ENOX1: variants seen among roughly 807,000 people sequenced by gnomAD.
ENOX1 encodes ecto-NOX disulfide-thiol exchanger 1.
A neutral mutation model predicts 82.5 loss-of-function variants in ENOX1; 42 were observed. The observed-to-expected ratio is 0.51, with a 90% confidence interval of 0.40 to 0.66. ENOX1 has a LOEUF of 0.66. ENOX1 is among the 30% of genes least tolerant of loss of function. The pLI, the probability that ENOX1 is intolerant of heterozygous loss-of-function variation, is 0.00. For missense variants in ENOX1, 608 were observed against 811.6 expected (o/e 0.75, Z 3.05); for synonymous variants, 271 against 282.2 (o/e 0.96, Z 0.40).
At chr13:43,626,502 GTTTCCA>G (rs1446997116) in intron 2 of ENOX1, among the ~76,000 whole-genome samples, 1 of 151,540 alleles carries the variant, frequency 6.6e-6, no homozygotes, top group Non-Finnish European at 1.5e-5. Flanking sequence ...TTTATGTTGT[GTTTCCA>G]TTTTCATTTA....
intron 5 of ENOX1, among the ~76,000 whole-genome samples, chr13:43,398,148 G>C (rs185568461): frequency 6.6e-6 from 1 of 152,138 alleles, no homozygotes; most frequent in Non-Finnish European, 1.5e-5. Flanking sequence ...ATGAATTTGG[G>C]GGTATGCAAA....
intron 1 of ENOX1, among the ~76,000 whole-genome samples, chr13:43,760,526 A>C (rs913379021): frequency 6.6e-6 from 1 of 152,014 alleles, no homozygotes; most frequent in African/African-American, 2.4e-5. Context: ...CCCACACTAA[A>C]CATCCCTGGA....
chr13:43,280,895 A>G (rs1048998081), intron 12 of ENOX1, among the ~76,000 whole-genome samples: 1 of 152,198 alleles, frequency 6.6e-6, no homozygotes, highest in African/African-American at 2.4e-5. Flanking sequence ...ACATTCATCA[A>G]TCACTAAGGG....
intron 2 of ENOX1, among the ~76,000 whole-genome samples, chr13:43,568,513 C>A (rs2153709628): frequency 6.6e-6 from 1 of 152,236 alleles, no homozygotes; most frequent in Non-Finnish European, 1.5e-5. Context: ...CTCCAAGAAA[C>A]ATTTTGATAA....
intron 2 of ENOX1, among the ~76,000 whole-genome samples, chr13:43,490,322 A>G (rs1164526669): frequency 3.3e-5 from 5 of 152,184 alleles, no homozygotes; most frequent in Non-Finnish European, 7.3e-5. Context: ...TTGCCTTGAC[A>G]TGAATTATGC....
intron 3 of ENOX1, among the ~76,000 whole-genome samples, chr13:43,463,920 A>G (rs1280222436): frequency 6.6e-6 from 1 of 152,210 alleles, no homozygotes; most frequent in Non-Finnish European, 1.5e-5. Flanking sequence ...AATACCTACT[A>G]TGTGCAGGTA....
intron 3 of ENOX1, among the ~76,000 whole-genome samples, chr13:43,476,902 G>A (rs532174369): frequency 1.3e-5 from 2 of 152,222 alleles, no homozygotes; most frequent in East Asian, 3.9e-4. Flanking sequence ...GAGGAGATGG[G>A]TGGGTGCAGG....
chr13:43,706,797 G>A (rs1296471203), intron 1 of ENOX1, among the ~76,000 whole-genome samples: 4 of 151,788 alleles, frequency 2.6e-5, no homozygotes, highest in Non-Finnish European at 5.9e-5. Context: ...CACAATTAAT[G>A]TTGAAATATT....
At chr13:43,547,202 C>T (rs1315566234) in intron 2 of ENOX1, 1 of 152,196 alleles carries the variant, frequency 6.6e-6, no homozygotes, top group Non-Finnish European at 1.5e-5. Context: ...GAAGATGGCT[C>T]TTGAGCAAAC....
chr13:43,771,615 A>G (rs546924656), intron 1 of ENOX1, among the ~76,000 whole-genome samples: 14 of 152,312 alleles, frequency 9.2e-5, no homozygotes, highest in African/African-American at 2.6e-4. Flanking sequence ...AAGAGGTAAC[A>G]GTGGGTTTAG....
chr13:43,534,212 C>T (rs2078353508), intron 2 of ENOX1, among the ~76,000 whole-genome samples: 1 of 152,068 alleles, frequency 6.6e-6, no homozygotes, highest in African/African-American at 2.4e-5. Context: ...AGTAGCAACC[C>T]ACTTGGGTCC....
chr13:43,604,008 T>C (rs1457870374), intron 2 of ENOX1, among the ~76,000 whole-genome samples: 3 of 146,386 alleles, frequency 2.0e-5, no homozygotes, highest in Non-Finnish European at 1.5e-5. Context: ...CCACCAATAG[T>C]GTAAAAGTGT....
chr13:43,772,715 C>A (rs1951705141), intron 1 of ENOX1, among the ~76,000 whole-genome samples: 1 of 147,218 alleles, frequency 6.8e-6, no homozygotes, highest in Non-Finnish European at 1.5e-5. Flanking sequence ...TGCTACCGCA[C>A]CCCAGCCTGG....
chr13:43,506,084 C>G (rs9706893), intron 2 of ENOX1, among the ~76,000 whole-genome samples: 2 of 151,706 alleles, frequency 1.3e-5, no homozygotes, highest in African/African-American at 2.4e-5. Flanking sequence ...TTATTTCTGA[C>G]GGCTCTGTTC....
At chr13:43,534,106 T>C (rs1566470360) in intron 2 of ENOX1, among the ~76,000 whole-genome samples, 4 of 152,114 alleles carry the variant, frequency 2.6e-5, no homozygotes, top group African/African-American at 9.7e-5. Context: ...AGCCACAGCC[T>C]CCTTAATCCA....
In ENOX1 at chr13:43,352,343, C is replaced by T. The variant is rs558140645; in HGVS notation, c.823+3576G>A. ...AAGCTTTCTAAGGGGGTACAAAGTA[C>T]GTAAAAACTTTTAAATGCTCTTGCC... is the stretch of plus-strand genomic sequence containing the variant. On this transcript the variant is annotated intron_variant, in intron 8 of 16. Coordinates refer to ENST00000690772, the MANE Select transcript of ENOX1 (RefSeq NM_001347969.2). Among the ~76,000 whole-genome samples the T allele has an allele frequency of 9.2e-5, 14 of 152,322 alleles. No homozygotes were observed. The South Asian group carries it at 2.5e-3, about 27-fold the overall frequency.
At chr13:43,328,585 A>T (rs912325703) in intron 9 of ENOX1, among the ~76,000 whole-genome samples, 1 of 152,144 alleles carries the variant, frequency 6.6e-6, no homozygotes, top group Non-Finnish European at 1.5e-5. Flanking sequence ...TGTTCATAAA[A>T]ACGTGTAAGG....
chr13:43,594,681 A>T (rs1001063498), intron 2 of ENOX1, among the ~76,000 whole-genome samples: 1 of 152,218 alleles, frequency 6.6e-6, no homozygotes, highest in Non-Finnish European at 1.5e-5. Context: ...AGAAACAAAG[A>T]GGGAGAGAAC....
intron 2 of ENOX1, among the ~76,000 whole-genome samples, chr13:43,564,796 T>C (rs1191848756): frequency 1.3e-5 from 2 of 152,194 alleles, no homozygotes; most frequent in Non-Finnish European, 2.9e-5. Context: ...CCCACAGAAA[T>C]ACTGATGTCC....
Sources: allele counts gnomAD v4.1 joint callset (sites outside exome capture counted in the v4.1 genomes callset), GRCh38; gene constraint gnomAD v4.1.1; transcripts MANE v1.5; gene names NCBI Gene and HGNC (gene_info 2026-07-23, HGNC 2026-07-21).